CTNNA3: variants seen among roughly 807,000 people sequenced by gnomAD.
CTNNA3 encodes the protein catenin alpha-3.
Under a neutral mutation model 95.7 loss-of-function variants are expected in CTNNA3, and 76 were observed. The observed-to-expected ratio is 0.79, with a 90% CI of 0.66 to 0.96. The LOEUF (loss-of-function observed/expected upper bound fraction) is 0.96, where lower values mean the gene tolerates loss of function less well. Among genes scored for constraint, CTNNA3 ranks in the 40% least tolerant of loss-of-function variants. CTNNA3 has a pLI of 0.00. For synonymous variants in CTNNA3, 431 were observed against 374.4 expected (o/e 1.15, Z -1.74); for missense variants, 1,191 against 1,089.8 (o/e 1.09, Z -1.31).
At chr10:66,329,558 G>A (rs1209485084) in intron 12 of CTNNA3, among the ~76,000 whole-genome samples, 1 of 131,064 alleles carries the variant, frequency 7.6e-6, no homozygotes, top group Non-Finnish European at 1.6e-5. Flanking sequence ...AGAAACCCTA[G>A]GGCTTGAACA....
intron 3 of CTNNA3, among the ~76,000 whole-genome samples, chr10:67,587,545 T>C (rs982915762): frequency 2.0e-5 from 3 of 152,168 alleles, no homozygotes; most frequent in African/African-American, 7.2e-5. Flanking sequence ...GCAATTCTTT[T>C]CTGGCTTGTA....
chr10:65,922,064 T>C (rs915620866), intron 17 of CTNNA3, among the ~76,000 whole-genome samples: 4 of 152,128 alleles, frequency 2.6e-5, no homozygotes, highest in African/African-American at 9.7e-5. Flanking sequence ...TTGCTCAAAG[T>C]AACACAGATA....
At chr10:66,499,220 T>C (rs1357743622) in intron 11 of CTNNA3, among the ~76,000 whole-genome samples, 1 of 152,204 alleles carries the variant, frequency 6.6e-6, no homozygotes, top group Admixed American at 6.5e-5. Flanking sequence ...AAACCATATA[T>C]AATCTAGGTC....
At chr10:67,202,952 T>C (rs1863714658) in intron 6 of CTNNA3, among the ~76,000 whole-genome samples, 1 of 152,172 alleles carries the variant, frequency 6.6e-6, no homozygotes, top group African/African-American at 2.4e-5. Flanking sequence ...ATGGAAATAA[T>C]TAATTGCTTA....
Position 67,540,623 on chromosome 10 carries a change from A to T in CTNNA3, c.293-954T>A, listed in dbSNP as rs538031621. 2.6e-5 allele frequency among the ~76,000 whole-genome samples: 4 copies of T among 152,126 alleles called. No individual in the cohort carries two copies. In the East Asian group the frequency reaches 7.7e-4, roughly 29 times the overall value. ...ATAAATGTATATGTATGTTTTATACATGTATGTGTTTTATGAATATATTCA... is the reference window on the plus strand; with the variant it reads ...ATAAATGTATATGTATGTTTTATACTTGTATGTGTTTTATGAATATATTCA... On this transcript the variant is annotated intron_variant, in intron 3 of 17. Coordinates refer to ENST00000433211, the MANE Select transcript of CTNNA3 (RefSeq NM_013266.4).
At chr10:66,888,563 C>G in intron 7 of CTNNA3, among the ~76,000 whole-genome samples, 1 of 148,864 alleles carries the variant, frequency 6.7e-6, no homozygotes, top group Non-Finnish European at 1.5e-5. Context: ...TTTTTTTAAG[C>G]AATGGGGAAA....
At chr10:66,283,007 G>C (rs2091521376) in intron 12 of CTNNA3, among the ~76,000 whole-genome samples, 1 of 151,836 alleles carries the variant, frequency 6.6e-6, no homozygotes, top group South Asian at 2.1e-4. Context: ...CAACTGAAAA[G>C]CTCCAAAAAT....
intron 7 of CTNNA3, among the ~76,000 whole-genome samples, chr10:67,018,443 T>G (rs988145404): frequency 2.6e-5 from 4 of 152,232 alleles, no homozygotes; most frequent in Non-Finnish European, 5.9e-5. Flanking sequence ...GCATTTCTAG[T>G]ATGTTACATG....
chr10:66,907,708 T>C (rs1184521454), intron 7 of CTNNA3, among the ~76,000 whole-genome samples: 1 of 152,136 alleles, frequency 6.6e-6, no homozygotes, highest in Non-Finnish European at 1.5e-5. Flanking sequence ...ATCATCAATA[T>C]CAAGTAGTTG....
At chr10:67,709,968 A>C (rs1841097773) in intron 1 of CTNNA3, among the ~76,000 whole-genome samples, 1 of 152,200 alleles carries the variant, frequency 6.6e-6, no homozygotes, top group African/African-American at 2.4e-5. Context: ...GGCCCCAGCA[A>C]ATTAAATGCC....
At chr10:66,582,442 G>A (rs538406164) in intron 10 of CTNNA3, among the ~76,000 whole-genome samples, 4 of 151,624 alleles carry the variant, frequency 2.6e-5, no homozygotes, top group Non-Finnish European at 4.4e-5. Flanking sequence ...TTTCAGCTTG[G>A]TTGTTGTTGA....
At chr10:66,133,012 CT>C (rs2083188776) in intron 13 of CTNNA3, among the ~76,000 whole-genome samples, 2 of 151,710 alleles carry the variant, frequency 1.3e-5, no homozygotes, top group Non-Finnish European at 2.9e-5. Context: ...ACAGGTTTAC[CT>C]ATATAACAAC....
At chr10:66,221,823 T>C (rs2088946287) in intron 13 of CTNNA3, among the ~76,000 whole-genome samples, 1 of 152,180 alleles carries the variant, frequency 6.6e-6, no homozygotes. Flanking sequence ...TCATGTTTAG[T>C]GTGTGTATTT....
chr10:66,507,878 T>C (rs1840507211), intron 11 of CTNNA3, among the ~76,000 whole-genome samples: 1 of 152,266 alleles, frequency 6.6e-6, no homozygotes, highest in East Asian at 1.9e-4. Context: ...GTAGTGGCAC[T>C]GCTAAATCAT....
chr10:66,999,617 T>C (rs1182031291), intron 7 of CTNNA3, among the ~76,000 whole-genome samples: 1 of 152,150 alleles, frequency 6.6e-6, no homozygotes, highest in Non-Finnish European at 1.5e-5. Context: ...AACCTATAAA[T>C]GGTGCTTCCG....
rs1840515746 is a variant in CTNNA3, at chr10:67,305,488, T to A, written c.580-85618A>T. 3.3e-5 allele frequency among the ~76,000 whole-genome samples: 5 copies of A among 152,086 alleles called. No homozygotes were observed. In the South Asian group the frequency reaches 1.0e-3, roughly 32 times the overall value. The stretch of plus-strand genomic sequence containing the variant: ...AGGGGAGAAATAAAGAAGGGTCTTG[T>A]ACCCTATGCTAACTATGCTAAAATC... On this transcript the variant is annotated intron_variant, in intron 5 of 17. Transcript: ENST00000433211.
At chr10:66,413,092 G>A (rs879713326) in intron 11 of CTNNA3, among the ~76,000 whole-genome samples, 1 of 152,116 alleles carries the variant, frequency 6.6e-6, no homozygotes, top group Non-Finnish European at 1.5e-5. Context: ...TACAACTTAT[G>A]AGTACTCTAT....
At chr10:66,974,559 T>C (rs182571587) in intron 7 of CTNNA3, among the ~76,000 whole-genome samples, 20 of 152,348 alleles carry the variant, frequency 1.3e-4, no homozygotes, top group African/African-American at 4.1e-4. Context: ...AAGTGAATGC[T>C]TACCTTTTTA....
intron 7 of CTNNA3, among the ~76,000 whole-genome samples, chr10:66,980,891 T>C (rs1461294047): frequency 3.3e-5 from 5 of 152,120 alleles, no homozygotes; most frequent in Admixed American, 2.6e-4. Context: ...TCCACAGTTT[T>C]TCTTTTTCTT....
Sources: allele counts gnomAD v4.1 joint callset (sites outside exome capture counted in the v4.1 genomes callset), GRCh38; gene constraint gnomAD v4.1.1; transcripts MANE v1.5; gene names NCBI Gene and HGNC (gene_info 2026-07-23, HGNC 2026-07-21).